PLG: variants seen among roughly 807,000 people sequenced by gnomAD.
PLG encodes the protein plasmin.
PLG carries 41 observed loss-of-function variants against 104.4 expected under a neutral mutation model. The ratio of observed to expected loss-of-function variants is 0.39; its 90% CI spans 0.31 to 0.51. The LOEUF is 0.51. Ranked by LOEUF, PLG falls within the 20% of genes least tolerant of loss-of-function variation. The pLI is 0.76. For missense variants in PLG, 891 were observed against 1,003.6 expected, an observed-to-expected ratio of 0.89 and a Z score of 1.52; for synonymous variants, 337 against 357.1, an observed-to-expected ratio of 0.94 and a Z score of 0.63.
chr6:160,711,449 T>C, intron 4 of PLG: 1 of 877,346 alleles, frequency 1.1e-6, no homozygotes. Context: ...TGTTATTTTC[T>C]GTCATCTTTT....
At chr6:160,727,581 C>T (rs1777939172) in intron 10 of PLG, among the ~76,000 whole-genome samples, 1 of 151,748 alleles carries the variant, frequency 6.6e-6, no homozygotes, top group African/African-American at 2.4e-5. Flanking sequence ...ATGAATATCC[C>T]AAACAAGTGA....
rs1195612891 is a variant in PLG, at chr6:160,713,087, A to G, written c.509A>G (p.Glu170Gly). The change falls in exon 5 of 19, where the codon GAA becomes GGA. Residue 170 changes from glutamate (E) to glycine (G), a missense_variant. Glu to Gly is a moderately conservative substitution (Grantham distance 98). Transcript: ENST00000308192. The part of the protein sequence containing the change: ...QGPWCYTTDP[E>G]KRYDYCDILE... The stretch of plus-strand genomic sequence containing the variant: ...CCCTGGTGCTATACTACTGATCCAG[A>G]AAAGAGATATGACTACTGCGACATT... The G allele has an allele frequency of 1.2e-6, 2 of 1,610,572 alleles. No homozygotes were observed. Among genetic ancestry groups the G allele is most frequent in the Non-Finnish European group, 1.7e-6 (2 of 1,178,550 alleles).
rs4252189 is a variant in PLG at position 160,718,255 on chromosome 6, A to AAT, written c.788-30_788-29dup. 6,435 of 1,576,240 alleles carry AAT rather than the reference A, an allele frequency of 4.1e-3. 205 individuals carry two copies. The Middle Eastern group carries it at 0.1, about 25-fold the overall frequency. ...GACAGAGCGAGACTCCGTCTCAAAA[A>AAT]ATATATATATTCATTGTAACTTATT... is the stretch of plus-strand genomic sequence containing the variant. On this transcript the variant is annotated intron_variant, in intron 7 of 18. Transcript: ENST00000308192.
chr6:160,748,354 A>AAGAAAGAAAGAAAGAGAGAGAGAGAGAG (rs1778316372), intron 17 of PLG, among the ~76,000 whole-genome samples: 2 of 31,394 alleles, frequency 6.4e-5, no homozygotes, highest in African/African-American at 2.2e-4. Flanking sequence ...AAGAAAGAGA[A>AAGAAAGAAAGAAAGAGAGAGAGAGAGAG]AGAAAGAAAG....
At chr6:160,709,030 TC>T (rs574676518) in intron 3 of PLG, among the ~76,000 whole-genome samples, 162 of 152,222 alleles carry the variant, frequency 1.1e-3, no homozygotes, top group Non-Finnish European at 1.8e-3. Flanking sequence ...TTTAAATATG[TC>T]ATTTGTAAAT....
rs571487207 is a variant in PLG, at chr6:160,709,520, C to T, written c.293-1557C>T. ...CCCCAGCTGCTGTTTGCTTGGCTTG[C>T]TAAACTTTTCTACACTGGCCTTACT... On this transcript the variant is annotated intron_variant, in intron 3 of 18. Coordinates refer to ENST00000308192, the MANE Select transcript of PLG (RefSeq NM_000301.5). Among the ~76,000 whole-genome samples the T allele has an allele frequency of 3.9e-5, 6 of 152,314 alleles. No individual in the cohort carries two copies. The South Asian group carries it at 1.2e-3, about 32-fold the overall frequency.
intron 7 of PLG, among the ~76,000 whole-genome samples, chr6:160,717,208 G>A (rs1189452382): frequency 6.6e-6 from 1 of 152,088 alleles, no homozygotes; most frequent in Non-Finnish European, 1.5e-5. Context: ...CAGAGGGTGA[G>A]TGGTGGGGGT....
At chr6:160,706,147 T>C (rs1276057995) in intron 1 of PLG, 2 of 514,328 alleles carry the variant, frequency 3.9e-6, no homozygotes, top group African/African-American at 1.9e-5. Flanking sequence ...AAATAGGTAG[T>C]TTTTCAGCCC....
rs1130656 is a variant in PLG, at chr6:160,718,448, C to T, written c.942C>T (p.Phe314=). 636,325 of 1,608,592 alleles carry T rather than the reference C, an allele frequency of 0.4. 128,197 individuals carry two copies. Among genetic ancestry groups the T allele is most frequent in the East Asian group, 0.44 (19,790 of 44,840 alleles). ...CACATAACAGGACACCAGAAAACTTCCCCTGCAAGTAAGTCCCCTCCGGTC... is the reference window on the plus strand; with the variant it reads ...CACATAACAGGACACCAGAAAACTTTCCCTGCAAGTAAGTCCCCTCCGGTC... The part of the protein sequence containing the change: ...PHTHNRTPEN[F]PCKNLDENYC... Residue 314 remains phenylalanine (F), a synonymous_variant, in exon 8 of 19, where the codon TTC becomes TTT. Transcript: ENST00000308192.
At chr6:160,751,903 C>T (rs1778408539) in intron 17 of PLG, among the ~76,000 whole-genome samples, 2 of 152,214 alleles carry the variant, frequency 1.3e-5, no homozygotes, top group African/African-American at 4.8e-5. Flanking sequence ...ACCAACACGA[C>T]AAAGCCCAGA....
At position 160,741,318 on chromosome 6, in the gene PLG, G is replaced by A. The variant is rs142551860; in HGVS notation, c.2026G>A (p.Val676Ile). Residue 676 changes from valine to isoleucine, a missense_variant, in exon 17 of 19, where the codon GTC (valine) becomes ATC (isoleucine). Coordinates refer to ENST00000308192, the MANE Select transcript of PLG (RefSeq NM_000301.5). The surrounding 1 kb of genome is among the most constrained non-coding windows in gnomAD (Gnocchi z 4.7). ...IALLKLSSPA[V>I]ITDKVIPACL... ...CTGATGCTTTTCTTTCAGTCCTGCC[G>A]TCATCACTGACAAAGTAATCCCAGC... 156 of 1,598,222 alleles carry A rather than the reference G, an allele frequency of 9.8e-5. 1 individual carries two copies. The highest frequency in any genetic ancestry group is 3.1e-4 in the South Asian group (28 of 90,778).
chr6:160,718,074 AC>A (rs1287815069), intron 7 of PLG, among the ~76,000 whole-genome samples: 1 of 152,020 alleles, frequency 6.6e-6, no homozygotes, highest in Non-Finnish European at 1.5e-5. Context: ...ATATGATGAA[AC>A]CCCACCTCTA....
chr6:160,728,516 AG>A (rs2115171625), intron 10 of PLG, among the ~76,000 whole-genome samples: 1 of 152,212 alleles, frequency 6.6e-6, no homozygotes, highest in Non-Finnish European at 1.5e-5. Context: ...AGACCTATAA[AG>A]GTACAGTAAA....
In PLG at chr6:160,732,824, C is replaced by T. The variant is rs959617492; in HGVS notation, c.1587+931C>T. Among the ~76,000 whole-genome samples the T allele has an allele frequency of 6.6e-6, 1 of 152,128 alleles. No homozygotes were observed. Among genetic ancestry groups the T allele is most frequent in the Admixed American group, 6.6e-5 (1 of 15,258 alleles). On this transcript the variant is annotated intron_variant, in intron 12 of 18. Coordinates refer to ENST00000308192, the MANE Select transcript of PLG (RefSeq NM_000301.5). The surrounding 1 kb of genome is among the most constrained non-coding windows in gnomAD (Gnocchi z 4.5). ...TCCATGCCCTCTCCAGTGCACCAGC[C>T]CCCGGTACCCCAAGTGTTCAGCAAC...
rs1778114124 is a variant in PLG, at chr6:160,737,910, T to A, written c.1803-628T>A. Among the ~76,000 whole-genome samples the A allele has an allele frequency of 6.6e-6, 1 of 152,200 alleles. No homozygotes were observed. The highest frequency in any genetic ancestry group is 1.5e-5 in the Non-Finnish European group (1 of 68,026). On this transcript the variant is annotated intron_variant, in intron 14 of 18. Coordinates refer to ENST00000308192, the MANE Select transcript of PLG (RefSeq NM_000301.5). The surrounding 1 kb of genome is among the most constrained non-coding windows in gnomAD (Gnocchi z 4.7). ...TTCCTAAACTATGTGGTGGTCTACG[T>A]CCTCACTGACTTATCAACATGCTAC...
At chr6:160,711,834 G>A (rs934591158) in intron 4 of PLG, 2 of 1,452,524 alleles carry the variant, frequency 1.4e-6, no homozygotes, top group African/African-American at 1.5e-5. Context: ...CTCAAATTGT[G>A]GAGCAAAAGA....
At chr6:160,717,678 G>A (rs1777761485) in intron 7 of PLG, among the ~76,000 whole-genome samples, 1 of 152,148 alleles carries the variant, frequency 6.6e-6, no homozygotes, top group Admixed American at 6.5e-5. Flanking sequence ...GTGTATGTGA[G>A]AATTCGGGGT....
At chr6:160,715,263 C>T (rs1777710597) in intron 6 of PLG, among the ~76,000 whole-genome samples, 1 of 152,202 alleles carries the variant, frequency 6.6e-6, no homozygotes, top group Non-Finnish European at 1.5e-5. Flanking sequence ...TTCAGAAATG[C>T]ACACACACAT....
chr6:160,718,113 G>A (rs979933927), intron 7 of PLG, among the ~76,000 whole-genome samples, 181 bp from the exon 8 acceptor site: 7 of 152,274 alleles, frequency 4.6e-5, no homozygotes, highest in Admixed American at 2.0e-4. Context: ...TTAGCCAGTT[G>A]TGGTGACACG....
Sources: gnomAD v4.1 joint callset for allele counts (sites outside exome capture counted in the v4.1 genomes callset) on GRCh38, gnomAD v4.1.1 for gene constraint, Gnocchi (gnomAD v3.1) non-coding constraint, MANE v1.5 for transcripts, NCBI Gene and HGNC (gene_info 2026-07-23, HGNC 2026-07-21) for gene names.